The following ERC2 variants were observed in gnomAD, a reference collection of about 807,000 sequenced individuals.
ERC2 encodes ERC protein 2.
In ERC2, 42 loss-of-function variants were observed where a neutral mutation model predicts 114.8. The ratio of observed to expected loss-of-function variants is 0.37; its 90% CI spans 0.29 to 0.47. The LOEUF (loss-of-function observed/expected upper bound fraction) is 0.47. ERC2 is among the 20% of genes least tolerant of loss of function. The pLI, the probability that ERC2 is intolerant of heterozygous loss-of-function variation, is 0.99. For missense variants in ERC2, 939 were observed against 1,150.7 expected (o/e 0.82, Z 2.66); for synonymous variants, 454 against 425.5 (o/e 1.07, Z -0.82).
intron 2 of ERC2, among the ~76,000 whole-genome samples, chr3:56,372,050 G>T (rs1297478554): frequency 6.6e-6 from 1 of 152,232 alleles, no homozygotes; most frequent in Non-Finnish European, 1.5e-5. Context: ...ATGCCCAAAT[G>T]AGAGGCATAT....
intron 3 of ERC2, among the ~76,000 whole-genome samples, chr3:56,262,399 AC>A (rs1240745796): frequency 2.0e-5 from 3 of 152,218 alleles, no homozygotes; most frequent in Non-Finnish European, 4.4e-5. Flanking sequence ...TGGATAGTTA[AC>A]AAAGATGATG....
chr3:55,858,571 A>G (rs1272195775), intron 14 of ERC2, among the ~76,000 whole-genome samples: 1 of 152,212 alleles, frequency 6.6e-6, no homozygotes, highest in East Asian at 1.9e-4. Context: ...AGAAGCATCC[A>G]AGTGCAAGCA....
chr3:56,260,196 G>C (rs1334651302), intron 3 of ERC2, among the ~76,000 whole-genome samples: 1 of 152,116 alleles, frequency 6.6e-6, no homozygotes. Context: ...TCTGCAAGCG[G>C]GGAAAGCAAG....
intron 3 of ERC2, among the ~76,000 whole-genome samples, chr3:56,190,733 C>A (rs897623600): frequency 6.6e-6 from 1 of 152,044 alleles, no homozygotes; most frequent in African/African-American, 2.4e-5. Context: ...GCCACCACAC[C>A]CAGATAATTT....
intron 3 of ERC2, among the ~76,000 whole-genome samples, chr3:56,269,608 T>C (rs1230690002): frequency 6.6e-6 from 1 of 152,032 alleles, no homozygotes; most frequent in Non-Finnish European, 1.5e-5. Context: ...ACACCAAAAG[T>C]GGACATTAAA....
intron 14 of ERC2, among the ~76,000 whole-genome samples, chr3:55,878,815 A>G (rs2062981529): frequency 1.3e-5 from 2 of 152,320 alleles, no homozygotes; most frequent in Non-Finnish European, 2.9e-5. Flanking sequence ...TAATTCTCTG[A>G]AGACATTTTA....
chr3:56,349,838 A>G (rs1404378447), intron 2 of ERC2, among the ~76,000 whole-genome samples: 2 of 151,570 alleles, frequency 1.3e-5, no homozygotes, highest in Admixed American at 6.6e-5. Flanking sequence ...GCTTGAACCC[A>G]GGAGGTGGAG....
intron 14 of ERC2, among the ~76,000 whole-genome samples, chr3:55,812,100 G>A (rs890244421): frequency 6.6e-6 from 1 of 152,186 alleles, no homozygotes; most frequent in South Asian, 2.1e-4. Flanking sequence ...TTATAAGTGA[G>A]AACATGTGGT....
intron 8 of ERC2, among the ~76,000 whole-genome samples, chr3:56,017,671 A>C (rs1002369297): frequency 6.6e-6 from 1 of 151,686 alleles, no homozygotes; most frequent in Non-Finnish European, 1.5e-5. Flanking sequence ...TGGCCATTCT[A>C]CTCCAGCACT....
intron 17 of ERC2, among the ~76,000 whole-genome samples, chr3:55,637,289 C>G (rs2059998564): frequency 6.6e-6 from 1 of 152,220 alleles, no homozygotes; most frequent in Non-Finnish European, 1.5e-5. Flanking sequence ...CTCATTCTCC[C>G]TTTCACCTGG....
rs910207380 is a variant in ERC2 at position 56,439,591 on chromosome 3, G to A, written c.-140-4444C>T. The stretch of plus-strand genomic sequence containing the variant: ...TCCCTTCACAAACAGTCTATTCCGT[G>A]TAGATTTTCCAGTCTTATTGGCATT... On this transcript the variant is annotated intron_variant, in intron 1 of 17. Transcript: ENST00000288221. Among the ~76,000 whole-genome samples, 11 of 152,156 alleles carry A rather than the reference G, an allele frequency of 7.2e-5. No individual in the cohort carries two copies. In the East Asian group the frequency reaches 1.9e-3, roughly 27 times the overall value.
chr3:56,138,030 A>G lies in ERC2; in HGVS notation c.1473+1479T>C, dbSNP rs565354029. On this transcript the variant is annotated intron_variant, in intron 6 of 17. Coordinates refer to ENST00000288221, the MANE Select transcript of ERC2 (RefSeq NM_015576.3). Reference sequence around the variant, plus strand: ...ACCTTTGCATTCACAGTGGAACTATACACAACTGAAAATGGTATTTCTTTT... The same window carrying G: ...ACCTTTGCATTCACAGTGGAACTATGCACAACTGAAAATGGTATTTCTTTT... Among the ~76,000 whole-genome samples, 5 of 151,338 alleles carry G rather than the reference A, an allele frequency of 3.3e-5. No homozygotes were observed. The South Asian group carries it at 1.0e-3, about 32-fold the overall frequency.
chr3:55,745,126 G>C (rs1174599517), intron 14 of ERC2, among the ~76,000 whole-genome samples: 1 of 152,172 alleles, frequency 6.6e-6, no homozygotes, highest in Non-Finnish European at 1.5e-5. Context: ...ACTTTCATGA[G>C]TTGACATCTG....
intron 17 of ERC2, among the ~76,000 whole-genome samples, chr3:55,515,782 G>A (rs1293689226): frequency 1.3e-5 from 2 of 151,906 alleles, no homozygotes; most frequent in Non-Finnish European, 2.9e-5. Flanking sequence ...GGCTATAAAC[G>A]TGTGGTGTCT....
rs58749389 is a variant in ERC2 at position 55,539,415 on chromosome 3, C to CTTTTTTTT, written c.*40-28147_*40-28140dup. Among the ~76,000 whole-genome samples the CTTTTTTTT allele has an allele frequency of 7.9e-4, 31 of 39,104 alleles. 3 individuals are homozygous for CTTTTTTTT. The highest frequency in any genetic ancestry group is 1.3e-3 in the East Asian group (1 of 762). The allele number at this position is 39,104 out of a possible 152,430, so 25.7% of individuals were successfully genotyped here. On this transcript the variant is annotated intron_variant, in intron 17 of 17. Transcript: ENST00000288221. ...TCTCTCTCTCTCTCTTTTTTTCTTT[C>CTTTTTTTT]TTTTTTTTTTTTTTTTTTTTTTTTT...
intron 12 of ERC2, among the ~76,000 whole-genome samples, chr3:55,976,922 G>A (rs2069635039): frequency 6.6e-6 from 1 of 152,190 alleles, no homozygotes; most frequent in African/African-American, 2.4e-5. Flanking sequence ...CCTTTTGGGA[G>A]GTGACTAGCA....
chr3:55,653,477 C>T (rs1381729363), intron 17 of ERC2, among the ~76,000 whole-genome samples: 3 of 151,846 alleles, frequency 2.0e-5, no homozygotes, highest in African/African-American at 7.3e-5. Flanking sequence ...ACAGATTATA[C>T]CGATGTGGAA....
intron 7 of ERC2, among the ~76,000 whole-genome samples, chr3:56,059,680 AT>A (rs1183105873): frequency 6.6e-6 from 1 of 152,196 alleles, no homozygotes; most frequent in African/African-American, 2.4e-5. Flanking sequence ...CCACATCACA[AT>A]TCTTCCTTTA....
rs116946732 is a variant in ERC2, at chr3:55,933,492, C to G, written c.2403+16933G>C. Reference sequence around the variant, plus strand: ...ACCAACAGGGAAGTATACAGTGTTTCTAAAATTTATTTCATGGCTAAAATT... The same window carrying G: ...ACCAACAGGGAAGTATACAGTGTTTGTAAAATTTATTTCATGGCTAAAATT... On this transcript the variant is annotated intron_variant, in intron 13 of 17. Coordinates refer to ENST00000288221, the MANE Select transcript of ERC2 (RefSeq NM_015576.3). Among the ~76,000 whole-genome samples the G allele has an allele frequency of 5.9e-5, 9 of 152,302 alleles. No homozygotes were observed. The East Asian group carries it at 1.5e-3, about 26-fold the overall frequency.
Sources: allele counts gnomAD v4.1 joint callset (sites outside exome capture counted in the v4.1 genomes callset), GRCh38; gene constraint gnomAD v4.1.1; transcripts MANE v1.5; gene names NCBI Gene and HGNC (gene_info 2026-07-23, HGNC 2026-07-21).